HEG1: variants seen among roughly 807,000 people sequenced by gnomAD.
HEG1 encodes protein HEG homolog 1.
HEG1 carries 56 observed loss-of-function variants against 125.6 expected under a neutral mutation model. The observed-to-expected ratio is 0.45, with a 90% confidence interval of 0.36 to 0.56. The LOEUF is 0.56. Ranked by LOEUF, HEG1 falls within the 20% of genes least tolerant of loss-of-function variation. The pLI, the probability that HEG1 is intolerant of heterozygous loss-of-function variation, is 0.00. For synonymous variants in HEG1, 644 were observed against 668.5 expected (o/e 0.96, Z 0.57); for missense variants, 1,523 against 1,670.0 (o/e 0.91, Z 1.53).
At chr3:125,005,417 G>T in intron 8 of HEG1, 49 bp from the exon 9 acceptor site, 1 of 1,031,888 alleles carries the variant, frequency 9.7e-7, no homozygotes, top group Non-Finnish European at 1.4e-6. Context: ...AAGAACCTAT[G>T]CAAGGCTGTG....
intron 12 of HEG1, among the ~76,000 whole-genome samples, chr3:124,996,643 T>C (rs573022980): frequency 4.1e-4 from 63 of 152,238 alleles, no homozygotes; most frequent in African/African-American, 1.5e-3. Flanking sequence ...AGTCAGAGGG[T>C]CTGAAGCTCA....
chr3:124,978,499 CTGTG>C (rs1312916443), intron 14 of HEG1, among the ~76,000 whole-genome samples: 7 of 152,150 alleles, frequency 4.6e-5, no homozygotes, highest in Admixed American at 4.6e-4. Context: ...TAACTTTTAC[CTGTG>C]CACCAGCCCC....
intron 15 of HEG1, among the ~76,000 whole-genome samples, chr3:124,974,981 C>G (rs1203040960): frequency 6.6e-6 from 1 of 152,156 alleles, no homozygotes; most frequent in African/African-American, 2.4e-5. Context: ...AATGGGTACA[C>G]CACACAGTAC....
At chr3:124,980,995 C>T (rs140623524) in intron 14 of HEG1, among the ~76,000 whole-genome samples, 20 of 151,898 alleles carry the variant, frequency 1.3e-4, no homozygotes, top group Admixed American at 5.2e-4. Context: ...GCTGGGACCA[C>T]GGGCGCAACT....
chr3:124,971,651 CCAGCT>C (rs1936426249), intron 16 of HEG1, among the ~76,000 whole-genome samples: 1 of 152,018 alleles, frequency 6.6e-6, no homozygotes, highest in African/African-American at 2.4e-5. Flanking sequence ...GCTACCAAGC[CCAGCT>C]AATTTTTGTA....
At chr3:125,005,413 C>A in intron 8 of HEG1, 45 bp from the exon 9 acceptor site, 1 of 1,055,392 alleles carries the variant, frequency 9.5e-7, no homozygotes, top group South Asian at 1.4e-5. Flanking sequence ...ACAGAAGAAC[C>A]TATGCAAGGC....
At position 125,055,974 on chromosome 3, in the gene HEG1, C is replaced by G. The variant is rs1937933564; in HGVS notation, c.-84G>C. On this transcript the variant is annotated 5_prime_UTR_variant, in exon 1 of 17. Transcript: ENST00000311127. ...CGGGCAGCGGGCGGCGGGGGCCGCG[C>G]GGGGCCGGGGAAGTGAGCGGAGTGA... The G allele has an allele frequency of 2.7e-6, 1 of 375,406 alleles. No homozygotes were observed. The highest frequency in any genetic ancestry group is 3.6e-6 in the Non-Finnish European group (1 of 275,450). The allele number at this position is 375,406 out of a possible 1,614,324, so 23.3% of individuals were successfully genotyped here. A position where few individuals can be genotyped will look rare whatever the true frequency, so the allele number is the denominator to read the frequency against.
intron 7 of HEG1, among the ~76,000 whole-genome samples, chr3:125,010,151 G>T (rs533260852): frequency 5.1e-4 from 77 of 152,294 alleles, no homozygotes; most frequent in African/African-American, 1.1e-3. Flanking sequence ...GGGTGGCAGT[G>T]GGGGGATTCC....
chr3:124,978,026 G>C (rs1387567494), intron 14 of HEG1, 80 bp from the exon 15 acceptor site: 32 of 1,049,598 alleles, frequency 3.0e-5, no homozygotes, highest in Non-Finnish European at 4.2e-5. Flanking sequence ...GGTCTCCCCT[G>C]ACTCTACAGT....
intron 1 of HEG1, among the ~76,000 whole-genome samples, chr3:125,038,837 A>G (rs775677927): frequency 2.6e-5 from 4 of 152,212 alleles, no homozygotes; most frequent in Non-Finnish European, 5.9e-5. Context: ...GGGATTCCTC[A>G]AGCTTCAGAG....
At chr3:125,052,656 T>C (rs966090030) in intron 1 of HEG1, among the ~76,000 whole-genome samples, 2 of 152,076 alleles carry the variant, frequency 1.3e-5, no homozygotes, top group African/African-American at 4.8e-5. Context: ...TCCTGAGTGG[T>C]AGAAAAACAC....
At chr3:124,992,554 G>A (rs1936851829) in intron 12 of HEG1, among the ~76,000 whole-genome samples, 1 of 152,184 alleles carries the variant, frequency 6.6e-6, no homozygotes, top group African/African-American at 2.4e-5. Flanking sequence ...CGTGCTAATG[G>A]TGGGTTATGG....
At position 124,977,920 on chromosome 3, in the gene HEG1, C is replaced by T. The variant is rs767092978; in HGVS notation, c.3760G>A (p.Ala1254Thr). The change falls in exon 15 of 17, where the codon GCA becomes ACA. Residue 1254 changes from alanine (A) to threonine (T), a missense_variant. Transcript: ENST00000311127. ...AGCAGGAGCCCACCTCCCGCGGCTG[C>T]GATCACCACAGTGATAAGCTGATAG... Reference protein sequence around the residue: ...NPYQLITVVIAAAGGGLLLIL... With the variant: ...NPYQLITVVITAAGGGLLLIL... The T allele has an allele frequency of 2.4e-5, 38 of 1,579,208 alleles. No individual in the cohort carries two copies. Among genetic ancestry groups the T allele is most frequent in the South Asian group, 2.2e-4 (19 of 85,710 alleles).
At chr3:124,988,878 C>T (rs1415796748) in intron 14 of HEG1, among the ~76,000 whole-genome samples, 2 of 152,200 alleles carry the variant, frequency 1.3e-5, no homozygotes, top group Non-Finnish European at 2.9e-5. Context: ...GATCGTGCCA[C>T]TGAACTCCAG....
chr3:125,024,936 G>T (rs1448731696), intron 3 of HEG1, among the ~76,000 whole-genome samples: 1 of 152,222 alleles, frequency 6.6e-6, no homozygotes, highest in Non-Finnish European at 1.5e-5. Context: ...CATCGGACTG[G>T]TGTAAGCGCC....
At chr3:125,046,434 CAT>C (rs1350879954) in intron 1 of HEG1, among the ~76,000 whole-genome samples, 55 of 97,962 alleles carry the variant, frequency 5.6e-4, no homozygotes, top group African/African-American at 2.8e-3. Flanking sequence ...CACACACACA[CAT>C]ATATATTTTT....
At chr3:125,024,131 C>T (rs1937379717) in intron 3 of HEG1, among the ~76,000 whole-genome samples, 1 of 152,218 alleles carries the variant, frequency 6.6e-6, no homozygotes, top group East Asian at 1.9e-4. Flanking sequence ...ATATCCTCAG[C>T]TCCTATTGAG....
At chr3:125,017,038 G>A (rs571822943) in intron 5 of HEG1, among the ~76,000 whole-genome samples, 1 of 150,714 alleles carries the variant, frequency 6.6e-6, no homozygotes, top group South Asian at 2.1e-4. Context: ...ATAAAGGACT[G>A]TATCCAAAAT....
chr3:125,046,410 C>T (rs917471272), intron 1 of HEG1, among the ~76,000 whole-genome samples: 55 of 107,244 alleles, frequency 5.1e-4, no homozygotes, highest in Non-Finnish European at 5.7e-4. Flanking sequence ...CACACACACA[C>T]ACACACACAC....
Sources: gnomAD v4.1 joint callset for allele counts (sites outside exome capture counted in the v4.1 genomes callset) on GRCh38, gnomAD v4.1.1 for gene constraint, MANE v1.5 for transcripts, NCBI Gene and HGNC (gene_info 2026-07-23, HGNC 2026-07-21) for gene names.